The following DROSHA variants were observed in gnomAD, a reference collection of about 807,000 sequenced individuals.
DROSHA encodes ribonuclease 3.
In DROSHA, 56 loss-of-function variants were observed where a neutral mutation model predicts 181.9. The ratio of observed to expected loss-of-function variants is 0.31; its 90% confidence interval spans 0.25 to 0.38. The LOEUF is 0.38. Ranked by LOEUF, DROSHA falls within the 10% of genes least tolerant of loss-of-function variation. The probability of loss-of-function intolerance (pLI) is 1.00; values close to 1 mark genes in which losing one functional copy is unlikely to be tolerated. For missense variants in DROSHA, 1,218 were observed against 1,743.5 expected, an observed-to-expected ratio of 0.70 and a Z score of 5.37; for synonymous variants, 524 against 591.2, an observed-to-expected ratio of 0.89 and a Z score of 1.65.
rs535709434 is a variant in DROSHA at position 31,464,284 on chromosome 5, T to C, written c.2526A>G (p.Leu842=). The change falls in exon 20 of 36, where the codon CTA becomes CTG. Residue 842 remains leucine (L), a synonymous_variant. Coordinates refer to ENST00000344624, the MANE Select transcript of DROSHA (RefSeq NM_001382508.1). Reference sequence around the variant, plus strand: ...CAGTTTTCCAGAATCCTTGGCTACTTAGCTCCACCGTTACTTCTCGTCTCA... The same window carrying C: ...CAGTTTTCCAGAATCCTTGGCTACTCAGCTCCACCGTTACTTCTCGTCTCA... ...NTMRREVTVE[L]SSQGFWKTGI... 9.5e-5 allele frequency: 153 copies of C among 1,613,472 alleles called. 4 individuals are homozygous for C. The South Asian group carries it at 1.6e-3, about 17-fold the overall frequency.
chr5:31,485,123 T>A (rs7712436), intron 14 of DROSHA, among the ~76,000 whole-genome samples, 161 bp from the exon 15 acceptor site: 2 of 152,166 alleles, frequency 1.3e-5, no homozygotes, highest in African/African-American at 4.8e-5. Flanking sequence ...TAGTTTCAGA[T>A]GGAAATGAAA....
chr5:31,440,896 A>T (rs1443297027), intron 23 of DROSHA, among the ~76,000 whole-genome samples: 1 of 152,164 alleles, frequency 6.6e-6, no homozygotes, highest in African/African-American at 2.4e-5. Context: ...ATATATATGA[A>T]ATATAAATGA....
intron 30 of DROSHA, among the ~76,000 whole-genome samples, chr5:31,417,075 G>A (rs1043047116): frequency 6.6e-6 from 1 of 152,176 alleles, no homozygotes; most frequent in Non-Finnish European, 1.5e-5. Flanking sequence ...CTGAGGAGGT[G>A]TGCTAGGGAC....
intron 35 of DROSHA, among the ~76,000 whole-genome samples, chr5:31,404,113 T>C (rs1740371275): frequency 6.6e-6 from 1 of 151,524 alleles, no homozygotes; most frequent in South Asian, 2.1e-4. Flanking sequence ...TTTTTTGTCT[T>C]CCAACTTGGC....
At chr5:31,464,533 C>G (rs1032427934) in intron 19 of DROSHA, among the ~76,000 whole-genome samples, 190 bp from the exon 20 acceptor site, 2 of 147,588 alleles carry the variant, frequency 1.4e-5, no homozygotes, top group African/African-American at 5.0e-5. Context: ...TGGGGTATAA[C>G]ACAGCCCAGC....
chr5:31,406,791 G>T, intron 34 of DROSHA, 62 bp downstream of exon 34: 1 of 1,467,382 alleles, frequency 6.8e-7, no homozygotes, highest in Non-Finnish European at 9.5e-7. Context: ...GGAGATAGCA[G>T]CTAGGGAATT....
intron 30 of DROSHA, among the ~76,000 whole-genome samples, chr5:31,418,371 C>T (rs751697409): frequency 6.6e-6 from 1 of 152,104 alleles, no homozygotes; most frequent in African/African-American, 2.4e-5. Flanking sequence ...TGGGCTCAAG[C>T]GATCCTCCCA....
Position 31,470,611 on chromosome 5 carries a change from CA to C in DROSHA, c.2241+1451del, listed in dbSNP as rs200493663. On this transcript the variant is annotated intron_variant, in intron 17 of 35. Transcript: ENST00000344624. The surrounding 1 kb of genome is among the most constrained non-coding windows in gnomAD (Gnocchi z 4.0). ...GCTCAAAAACAAGCAGTGAGAAAAT[CA>C]AACGTTTGAGGATTTTTTTTTAACT... Among the ~76,000 whole-genome samples, 1,116 of 152,196 alleles carry C rather than the reference CA, an allele frequency of 7.3e-3. 15 individuals carry two copies. Among genetic ancestry groups the C allele is most frequent in the African/African-American group, 0.026 (1,064 of 41,520 alleles).
rs376142741 is a variant in DROSHA, at chr5:31,409,211, A to G, written c.3750+39T>C. 9.3e-6 allele frequency: 15 copies of G among 1,606,630 alleles called. No homozygotes were observed. Among genetic ancestry groups the G allele is most frequent in the Non-Finnish European group, 1.0e-5 (12 of 1,176,174 alleles). ...GTAATGGGTTCTGGAATCACCAAAC[A>G]TAAAGCAGACCACTAATTCAAACTT... On this transcript the variant is annotated intron_variant, in intron 32 of 35. Transcript: ENST00000344624. The surrounding 1 kb of genome is among the most constrained non-coding windows in gnomAD (Gnocchi z 4.0).
At chr5:31,432,043 A>C (rs1310004379) in intron 25 of DROSHA, among the ~76,000 whole-genome samples, 5 of 152,158 alleles carry the variant, frequency 3.3e-5, no homozygotes, top group African/African-American at 1.2e-4. Context: ...TAGGGAGAGA[A>C]TTACAAACCT....
intron 16 of DROSHA, among the ~76,000 whole-genome samples, chr5:31,482,816 T>A (rs566275028): frequency 9.2e-4 from 107 of 115,760 alleles, no homozygotes; most frequent in African/African-American, 3.8e-3. Context: ...TAAAAATACT[T>A]TTTTTTTTTT....
intron 28 of DROSHA, among the ~76,000 whole-genome samples, chr5:31,423,528 T>C (rs539913064): frequency 7.2e-5 from 11 of 152,346 alleles, no homozygotes. Context: ...TCAATGTACA[T>C]TGGAGATTAT....
intron 23 of DROSHA, among the ~76,000 whole-genome samples, chr5:31,440,141 C>T (rs2081390603): frequency 6.6e-6 from 1 of 152,180 alleles, no homozygotes; most frequent in South Asian, 2.1e-4. Flanking sequence ...TCCCCTCTCC[C>T]TTCCCTGCTA....
intron 13 of DROSHA, among the ~76,000 whole-genome samples, chr5:31,492,298 T>C (rs1752518450): frequency 6.6e-6 from 1 of 152,220 alleles, no homozygotes. Flanking sequence ...TGGAATCATA[T>C]CTACTTACAT....
intron 15 of DROSHA, among the ~76,000 whole-genome samples, chr5:31,484,404 A>G (rs1278259484): frequency 6.7e-6 from 1 of 150,190 alleles, no homozygotes; most frequent in Non-Finnish European, 1.5e-5. Context: ...AAAAAAAAAA[A>G]AAAAGAATAC....
rs746252202 is a variant in DROSHA at position 31,526,200 on chromosome 5, G to C, written c.733C>G (p.Arg245Gly). The change falls in exon 5 of 36, where the codon CGG becomes GGG. Residue 245 changes from arginine to glycine, a missense_variant. Around this residue, in one of 8 missense-constraint regions of DROSHA, gnomAD observed 536 missense variants for 535.4 expected, o/e 1.00. Coordinates refer to ENST00000344624, the MANE Select transcript of DROSHA (RefSeq NM_001382508.1). ...DHSHGRGERH[R>G]SLDRRERGRS... ...CCTCGCTCCCGCCGATCCAGGGACC[G>C]ATGCCTCTCACCTCGCCCATGACTG... The C allele has an allele frequency of 6.2e-7, 1 of 1,613,848 alleles. No homozygotes were observed. Among genetic ancestry groups the C allele is most frequent in the Admixed American group, 1.7e-5 (1 of 60,010 alleles).
chr5:31,518,368 C>T (rs1640451318), intron 6 of DROSHA, among the ~76,000 whole-genome samples: 1 of 152,172 alleles, frequency 6.6e-6, no homozygotes. Flanking sequence ...GGGAAAAGGA[C>T]ATACCTTCCT....
At chr5:31,518,096 C>G (rs765574060) in intron 6 of DROSHA, among the ~76,000 whole-genome samples, 1 of 151,962 alleles carries the variant, frequency 6.6e-6, no homozygotes, top group Non-Finnish European at 1.5e-5. Context: ...TACTACACAC[C>G]TCGGACAGGC....
intron 16 of DROSHA, among the ~76,000 whole-genome samples, chr5:31,478,215 C>T (rs189675424): frequency 1.2e-3 from 178 of 152,306 alleles, no homozygotes; most frequent in Middle Eastern, 3.4e-3. Context: ...CCAGGAATGT[C>T]CAATCTTTCA....
Sources: gnomAD v4.1 joint callset for allele counts (sites outside exome capture counted in the v4.1 genomes callset) on GRCh38, gnomAD v4.1.1 for gene constraint, gnomAD v4.1.1 regional missense constraint, Gnocchi (gnomAD v3.1) non-coding constraint, MANE v1.5 for transcripts, NCBI Gene and HGNC (gene_info 2026-07-23, HGNC 2026-07-21) for gene names.